The following FAM227A variants were observed in gnomAD, a reference collection of about 807,000 sequenced individuals.
FAM227A encodes the protein family with sequence similarity 227 member A, also known as protein FAM227A.
Under a neutral mutation model 74.7 loss-of-function variants are expected in FAM227A, and 80 were observed. The observed-to-expected ratio is 1.07, with a 90% CI of 0.89 to 1.29. FAM227A has a LOEUF of 1.29. Among genes scored for constraint, FAM227A ranks in the 50% most tolerant of loss-of-function variants. FAM227A has a pLI of 0.00. For synonymous variants in FAM227A, 237 were observed against 241.8 expected (o/e 0.98, Z 0.19); for missense variants, 654 against 683.4 (o/e 0.96, Z 0.48).
chr22:38,622,050 G>A (rs1424534239), intron 10 of FAM227A, among the ~76,000 whole-genome samples: 1 of 152,258 alleles, frequency 6.6e-6, no homozygotes, highest in East Asian at 1.9e-4. Flanking sequence ...CCTAAGACAT[G>A]CCCACCAGGC....
At chr22:38,600,396 C>T (rs1254878598) in intron 13 of FAM227A, among the ~76,000 whole-genome samples, 2 of 151,786 alleles carry the variant, frequency 1.3e-5, no homozygotes, top group African/African-American at 4.8e-5. Context: ...TGCAGTGGCA[C>T]AATCTCAGCT....
In FAM227A at chr22:38,628,269, G is replaced by A. The variant is rs1275976588; in HGVS notation, c.695C>T (p.Pro232Leu). ...QHYALLLFRVPKSHSEEALLK... is the reference protein window; with the variant it reads ...QHYALLLFRVLKSHSEEALLK... ...GAGCGCCTCTTCAGAGTGGGACTTG[G>A]GTACACGAAACAAAAGTAAGGCATA... is the stretch of plus-strand genomic sequence containing the variant. The change falls in exon 8 of 17, where the codon CCC becomes CTC. Residue 232 changes from proline (P) to leucine (L), a missense_variant. Transcript: ENST00000535113. The A allele has an allele frequency of 5.2e-6, 8 of 1,551,056 alleles. No individual in the cohort carries two copies. Among genetic ancestry groups the A allele is most frequent in the East Asian group, 2.4e-5 (1 of 40,930 alleles).
chr22:38,592,668 T>G (rs1384175067), intron 15 of FAM227A, among the ~76,000 whole-genome samples: 1 of 152,192 alleles, frequency 6.6e-6, no homozygotes, highest in Non-Finnish European at 1.5e-5. Context: ...TAAAAGATCT[T>G]GAGACCCTGT....
At chr22:38,635,211 A>T (rs2145641801) in intron 6 of FAM227A, among the ~76,000 whole-genome samples, 1 of 145,432 alleles carries the variant, frequency 6.9e-6, no homozygotes, top group African/African-American at 2.6e-5. Flanking sequence ...GCCTGGCGAC[A>T]GAGCGAGACT....
intron 6 of FAM227A, among the ~76,000 whole-genome samples, chr22:38,631,961 G>A (rs1036374498): frequency 6.6e-6 from 1 of 152,196 alleles, no homozygotes; most frequent in African/African-American, 2.4e-5. Context: ...CCAGTGGGAA[G>A]GGGAGGAGAC....
chr22:38,638,834 T>C lies in FAM227A; in HGVS notation c.296-12A>G, dbSNP rs924963972. The C allele has an allele frequency of 4.6e-6, 7 of 1,518,096 alleles. No individual in the cohort carries two copies. The highest frequency in any genetic ancestry group is 2.8e-5 in the African/African-American group (2 of 71,238). The allele number at this position is 1,518,096 out of a possible 1,614,324, so 94.0% of individuals were successfully genotyped here. A position where few individuals can be genotyped will look rare whatever the true frequency, so the allele number is the denominator to read the frequency against. ...CCTTTGTCTCTTGACTGCAGAAAAA[T>C]GGAGAAAGAGATAAATGAGTAACCA... On this transcript the variant is annotated splice_polypyrimidine_tract_variant and intron_variant, in intron 4 of 16. Transcript: ENST00000535113.
chr22:38,637,624 C>A (rs1378525768), intron 5 of FAM227A, among the ~76,000 whole-genome samples: 1 of 152,238 alleles, frequency 6.6e-6, no homozygotes, highest in Non-Finnish European at 1.5e-5. Context: ...GGCACTGACT[C>A]TGAGTTAGAT....
In FAM227A at chr22:38,580,282, C is replaced by T. The variant is rs2090695929; in HGVS notation, c.*5843G>A. On this transcript the variant is annotated 3_prime_UTR_variant, in exon 17 of 17. Transcript: ENST00000535113. ...TTCCCCCTCTCTTTTTCCCTTGAAA[C>T]TTATTTGTTGAAAAAAATGAAGTCA... 1.3e-5 allele frequency: 2 copies of T among 152,246 alleles called. No individual in the cohort carries two copies. The highest frequency in any genetic ancestry group is 4.8e-5 in the African/African-American group (2 of 41,538). 9.4% of individuals were successfully genotyped at this position (152,246 alleles called of 1,614,324 possible).
rs1014019386 is a variant in FAM227A, at chr22:38,585,909, T to G, written c.*216A>C. 3 of 1,074,460 alleles carry G rather than the reference T, an allele frequency of 2.8e-6. No individual in the cohort carries two copies. Among genetic ancestry groups the G allele is most frequent in the Non-Finnish European group, 2.6e-6 (2 of 768,348 alleles). The allele number at this position is 1,074,460 out of a possible 1,614,324, so 66.6% of individuals were successfully genotyped here. On this transcript the variant is annotated 3_prime_UTR_variant, in exon 17 of 17. Coordinates refer to ENST00000535113, the MANE Select transcript of FAM227A (RefSeq NM_001013647.2). ...CGTAATAAAATACTGAAAGAGTAAA[T>G]CTATGAATAAATGTAGTGACCCAAG...
chr22:38,655,464 G>A (rs1336180266), intron 1 of FAM227A, among the ~76,000 whole-genome samples: 2 of 150,498 alleles, frequency 1.3e-5, no homozygotes, highest in East Asian at 2.0e-4. Flanking sequence ...CCGGGAGGCC[G>A]AGATCATGCC....
intron 11 of FAM227A, among the ~76,000 whole-genome samples, chr22:38,613,184 TAATA>T (rs1334959842): frequency 7.6e-5 from 6 of 78,602 alleles, no homozygotes; most frequent in South Asian, 6.4e-4. Flanking sequence ...ATATTATATA[TAATA>T]TATATATATT....
chr22:38,609,916 C>A (rs954207786), intron 11 of FAM227A, among the ~76,000 whole-genome samples: 1 of 152,050 alleles, frequency 6.6e-6, no homozygotes, highest in African/African-American at 2.4e-5. Flanking sequence ...GGACTACGGG[C>A]GCCCGCCACC....
At chr22:38,649,882 AAGAAAAG>A in intron 2 of FAM227A, 138 bp downstream of exon 2, 8 of 396,452 alleles carry the variant, frequency 2.0e-5, no homozygotes, top group African/African-American at 1.1e-4. Context: ...AAAAAAAAGA[AAGAAAAG>A]AAAAGAAAAA....
intron 11 of FAM227A, chr22:38,618,438 C>CT (rs1370053071): frequency 3.9e-5 from 6 of 152,252 alleles, no homozygotes; most frequent in African/African-American, 1.4e-4. Flanking sequence ...ACCTCTTTTC[C>CT]TTTGTCTTGT....
intron 8 of FAM227A, 137 bp downstream of exon 8, chr22:38,628,101 C>A: frequency 1.6e-6 from 1 of 616,844 alleles, no homozygotes; most frequent in South Asian, 2.0e-5. Flanking sequence ...GTAACTTCTG[C>A]ATTGCAAGTC....
intron 12 of FAM227A, among the ~76,000 whole-genome samples, chr22:38,606,242 C>T (rs945348089): frequency 6.6e-6 from 1 of 152,060 alleles, no homozygotes. Flanking sequence ...TCATGACTCA[C>T]TGTAGCCTCA....
intron 14 of FAM227A, among the ~76,000 whole-genome samples, chr22:38,598,610 T>C (rs191755124): frequency 5.5e-4 from 84 of 152,362 alleles, no homozygotes; most frequent in Non-Finnish European, 3.1e-4. Flanking sequence ...AAAGTCCTCC[T>C]AGTTCATTAC....
chr22:38,619,262 G>A (rs900378829), intron 11 of FAM227A, among the ~76,000 whole-genome samples: 4 of 152,180 alleles, frequency 2.6e-5, no homozygotes, highest in African/African-American at 9.7e-5. Context: ...AAAGGCCAGA[G>A]GAAGCATTCT....
In FAM227A at chr22:38,584,831, T is replaced by C. The variant is rs1480694721; in HGVS notation, c.*1294A>G. ...TTTTTTTTGAGACAGAGTTTCGCTC[T>C]TGTTGCCCAGGCTGGAGTGCAATAG... On this transcript the variant is annotated 3_prime_UTR_variant, in exon 17 of 17. Coordinates refer to ENST00000535113, the MANE Select transcript of FAM227A (RefSeq NM_001013647.2). 6.6e-6 allele frequency: 1 copy of C among 152,138 alleles called. No individual in the cohort carries two copies. Among genetic ancestry groups the C allele is most frequent in the Admixed American group, 6.6e-5 (1 of 15,250 alleles). 9.4% of individuals were successfully genotyped at this position (152,138 alleles called of 1,614,324 possible).
Sources: gnomAD v4.1 joint callset for allele counts (sites outside exome capture counted in the v4.1 genomes callset) on GRCh38, gnomAD v4.1.1 for gene constraint, MANE v1.5 for transcripts, NCBI Gene and HGNC (gene_info 2026-07-23, HGNC 2026-07-21) for gene names.